Variants in HERC4 observed in about 807,000 individuals in gnomAD.
HERC4 encodes HECT and RLD domain containing E3 ubiquitin protein ligase 4.
Under a neutral mutation model 124.3 loss-of-function variants are expected in HERC4, and 28 were observed. The ratio of observed to expected loss-of-function variants is 0.23; its 90% CI spans 0.17 to 0.31. The LOEUF (loss-of-function observed/expected upper bound fraction) is 0.31. Ranked by LOEUF, HERC4 falls within the 10% of genes least tolerant of loss-of-function variation. HERC4 has a pLI of 1.00. For missense variants in HERC4, 713 were observed against 1,229.3 expected, an observed-to-expected ratio of 0.58 and a Z score of 6.28; for synonymous variants, 407 against 421.5, an observed-to-expected ratio of 0.97 and a Z score of 0.42.
At chr10:68,039,697 A>T in intron 4 of HERC4, 1 of 1,365,332 alleles carries the variant, frequency 7.3e-7, no homozygotes, top group South Asian at 1.7e-5. Context: ...TCTTTGAAAT[A>T]GCAAAATCAA....
intron 3 of HERC4, among the ~76,000 whole-genome samples, chr10:68,059,862 T>A (rs1170869141): frequency 2.6e-5 from 2 of 75,554 alleles, no homozygotes; most frequent in Non-Finnish European, 4.3e-5. Flanking sequence ...TATCATAATA[T>A]TATATATTAT....
At chr10:68,003,263 T>C (rs2037339956) in intron 9 of HERC4, among the ~76,000 whole-genome samples, 1 of 151,734 alleles carries the variant, frequency 6.6e-6, no homozygotes, top group African/African-American at 2.4e-5. Flanking sequence ...CATGCCATTC[T>C]CTTGCACAGC....
At chr10:67,935,169 G>A (rs541943343) in intron 22 of HERC4, among the ~76,000 whole-genome samples, 1 of 146,908 alleles carries the variant, frequency 6.8e-6, no homozygotes, top group South Asian at 2.1e-4. Flanking sequence ...TTTTTGAGAC[G>A]GAGTCTCGCT....
chr10:67,994,353 T>G (rs530199733), intron 9 of HERC4: 2 of 152,238 alleles, frequency 1.3e-5, no homozygotes, highest in African/African-American at 2.4e-5. Flanking sequence ...GGTTGACTAA[T>G]CTACAGTACA....
chr10:67,955,056 G>A lies in HERC4; in HGVS notation c.2100C>T (p.Cys700=). The A allele has an allele frequency of 6.3e-7, 1 of 1,599,698 alleles. No individual in the cohort carries two copies. Among genetic ancestry groups the A allele is most frequent in the Non-Finnish European group, 8.5e-7 (1 of 1,174,786 alleles). Residue 700 remains cysteine, a synonymous_variant, in exon 18 of 25, where the codon TGC becomes TGT. Coordinates refer to ENST00000373700, the MANE Select transcript of HERC4 (RefSeq NM_015601.4). ...FLPVIESVNP[C]LILVVRRENI... ...TTTCTCTACGCACCACTAGAATTAAGCAGGGATTCACAGATTCAATCACTG... is the reference window on the plus strand; with the variant it reads ...TTTCTCTACGCACCACTAGAATTAAACAGGGATTCACAGATTCAATCACTG...
intron 22 of HERC4, among the ~76,000 whole-genome samples, chr10:67,934,826 A>G (rs188180590): frequency 1.5e-3 from 221 of 150,848 alleles, no homozygotes; most frequent in African/African-American, 4.7e-3. Flanking sequence ...TTGAAATTTC[A>G]TGTATCTTGT....
intron 16 of HERC4, among the ~76,000 whole-genome samples, chr10:67,958,015 G>C (rs2132336831): frequency 6.6e-6 from 1 of 152,174 alleles, no homozygotes; most frequent in Admixed American, 6.5e-5. Flanking sequence ...CACTAGGTTG[G>C]CCAGGCTAGT....
In HERC4 at chr10:67,923,097, T is replaced by C. The variant is rs1186578806; in HGVS notation, c.2984A>G (p.Lys995Arg). The change falls in exon 25 of 25, where the codon AAG becomes AGG. Residue 995 changes from lysine (K) to arginine (R), a missense_variant. By Grantham distance (26) the Lys-to-Arg change is conservative. Coordinates refer to ENST00000373700, the MANE Select transcript of HERC4 (RefSeq NM_015601.4). ...GSDRIPILGM[K>R]SLKLVIQSTG... ...GGACTGGATGACTAGTTTCAGACTC[T>C]TCATACCAAGAATAGGAATGCGATC... 8 of 1,613,780 alleles carry C rather than the reference T, an allele frequency of 5.0e-6. No individual in the cohort carries two copies. The highest frequency in any genetic ancestry group is 6.8e-6 in the Non-Finnish European group (8 of 1,179,948).
intron 17 of HERC4, chr10:67,956,295 T>TA (rs1420682641): frequency 6.6e-6 from 1 of 152,076 alleles, no homozygotes; most frequent in Non-Finnish European, 1.5e-5. Context: ...TGAATTAGTT[T>TA]AAAAAATCCT....
At chr10:67,979,576 C>T (rs2035805509) in intron 15 of HERC4, among the ~76,000 whole-genome samples, 1 of 151,978 alleles carries the variant, frequency 6.6e-6, no homozygotes, top group Non-Finnish European at 1.5e-5. Context: ...AAAAAGATAT[C>T]AATATCCAAG....
intron 9 of HERC4, among the ~76,000 whole-genome samples, chr10:68,012,202 G>C (rs187091203): frequency 1.3e-5 from 2 of 152,062 alleles, no homozygotes; most frequent in African/African-American, 4.8e-5. Context: ...AATTCTCTCC[G>C]TATCAGCAAT....
intron 9 of HERC4, among the ~76,000 whole-genome samples, chr10:68,001,861 C>G (rs1589289886): frequency 2.0e-5 from 3 of 152,290 alleles, no homozygotes; most frequent in East Asian, 3.9e-4. Context: ...CAGATTCATA[C>G]AAGTTGCATA....
chr10:67,929,852 G>A (rs1484023885), intron 23 of HERC4, among the ~76,000 whole-genome samples: 11 of 141,382 alleles, frequency 7.8e-5, no homozygotes, highest in African/African-American at 3.0e-4. Flanking sequence ...CACTCTTGTT[G>A]CCCAGGCTGG....
intron 19 of HERC4, among the ~76,000 whole-genome samples, chr10:67,944,055 C>T (rs1164839022): frequency 6.6e-6 from 1 of 152,252 alleles, no homozygotes; most frequent in Non-Finnish European, 1.5e-5. Flanking sequence ...ACAAGCTTCG[C>T]TGGCTTCACC....
chr10:67,961,622 C>T (rs2034527057), intron 16 of HERC4, among the ~76,000 whole-genome samples: 1 of 152,006 alleles, frequency 6.6e-6, no homozygotes, highest in Admixed American at 6.6e-5. Context: ...GTTTGGGGGA[C>T]CCTCCCCAAA....
At chr10:68,023,071 A>G (rs2038725572) in intron 8 of HERC4, among the ~76,000 whole-genome samples, 1 of 152,088 alleles carries the variant, frequency 6.6e-6, no homozygotes, top group African/African-American at 2.4e-5. Flanking sequence ...GAGAAACTGA[A>G]ACCCTGTACA....
At chr10:67,967,074 T>G (rs1235384400) in intron 15 of HERC4, among the ~76,000 whole-genome samples, 1 of 152,214 alleles carries the variant, frequency 6.6e-6, no homozygotes, top group Non-Finnish European at 1.5e-5. Flanking sequence ...CAGGATGGTC[T>G]CGATCTCCTG....
intron 8 of HERC4, among the ~76,000 whole-genome samples, chr10:68,022,936 A>C (rs1416099354): frequency 6.6e-6 from 1 of 152,164 alleles, no homozygotes; most frequent in African/African-American, 2.4e-5. Flanking sequence ...TGCTCAGCTC[A>C]CTAATCATTG....
At chr10:68,020,121 T>C (rs551754842) in intron 8 of HERC4, among the ~76,000 whole-genome samples, 3 of 152,174 alleles carry the variant, frequency 2.0e-5, no homozygotes, top group Non-Finnish European at 4.4e-5. Context: ...AAAGACCTCA[T>C]TTTTATACCT....
Sources: allele counts gnomAD v4.1 joint callset (sites outside exome capture counted in the v4.1 genomes callset), GRCh38; gene constraint gnomAD v4.1.1; transcripts MANE v1.5; gene names NCBI Gene and HGNC (gene_info 2026-07-23, HGNC 2026-07-21).